Variants in L3MBTL2 observed in about 807,000 individuals in gnomAD.
The protein encoded by L3MBTL2 is L3MBTL histone methyl-lysine binding protein 2, also known as lethal(3)malignant brain tumor-like protein 2.
In L3MBTL2, 49 loss-of-function variants were observed where a neutral mutation model predicts 86.4. The ratio of observed to expected loss-of-function variants is 0.57; its 90% CI spans 0.45 to 0.72. L3MBTL2 has a LOEUF of 0.72. Among genes scored for constraint, L3MBTL2 ranks in the 30% least tolerant of loss-of-function variants. The probability of loss-of-function intolerance (pLI) is 0.00; values close to 1 mark genes in which losing one functional copy is unlikely to be tolerated. For synonymous variants in L3MBTL2, 336 were observed against 350.6 expected (o/e 0.96, Z 0.47); for missense variants, 755 against 923.7 (o/e 0.82, Z 2.37).
chr22:41,212,543 G>A lies in L3MBTL2; in HGVS notation c.263-1350G>A, dbSNP rs558122623. Among the ~76,000 whole-genome samples the A allele has an allele frequency of 3.6e-4, 55 of 151,718 alleles. No individual in the cohort carries two copies. In the South Asian group the frequency reaches 0.011, roughly 32 times the overall value. On this transcript the variant is annotated intron_variant, in intron 2 of 16. Coordinates refer to ENST00000216237, the MANE Select transcript of L3MBTL2 (RefSeq NM_031488.5). ...CTCCGGAGTAGCTGGGATTATAGAC[G>A]CCCACCACCGCGCCCGGCCATCTCA...
intron 1 of L3MBTL2, among the ~76,000 whole-genome samples, chr22:41,206,617 T>A (rs1025916675): frequency 3.9e-5 from 6 of 151,926 alleles, no homozygotes; most frequent in Non-Finnish European, 7.4e-5. Context: ...GCTAACATGG[T>A]GAAACCCCAT....
intron 2 of L3MBTL2, chr22:41,213,683 T>C: frequency 2.0e-6 from 1 of 494,812 alleles, no homozygotes; most frequent in East Asian, 3.3e-5. Flanking sequence ...TTGACATCTG[T>C]AGCCAAGGGA....
At chr22:41,212,310 C>T (rs751413019) in intron 2 of L3MBTL2, among the ~76,000 whole-genome samples, 1 of 151,796 alleles carries the variant, frequency 6.6e-6, no homozygotes, top group South Asian at 2.1e-4. Context: ...GGGTTCTGCA[C>T]ATTAGAATCA....
chr22:41,213,078 T>C (rs1884818498), intron 2 of L3MBTL2, among the ~76,000 whole-genome samples: 1 of 148,416 alleles, frequency 6.7e-6, no homozygotes, highest in Admixed American at 6.8e-5. Flanking sequence ...ATTAGCTGGG[T>C]GTGGTGGCAG....
chr22:41,224,943 C>T lies in L3MBTL2; in HGVS notation c.1252-24C>T, dbSNP rs2032078721. 3.1e-6 allele frequency: 5 copies of T among 1,603,354 alleles called. No homozygotes were observed. Among genetic ancestry groups the T allele is most frequent in the Admixed American group, 1.7e-5 (1 of 59,674 alleles). The stretch of plus-strand genomic sequence containing the variant: ...CTTCCTCCTGGCCTGCCCAGGGAGT[C>T]CCCAGCTGTCCCATTCCTTTAAGGT... On this transcript the variant is annotated intron_variant, in intron 10 of 16. Coordinates refer to ENST00000216237, the MANE Select transcript of L3MBTL2 (RefSeq NM_031488.5). This position sits in a 1 kb window ranked among gnomAD's most constrained non-coding sequence, Gnocchi z 4.9.
chr22:41,220,893 T>C (rs776053720), intron 7 of L3MBTL2, 25 bp downstream of exon 7: 4 of 1,602,424 alleles, frequency 2.5e-6, no homozygotes, highest in South Asian at 1.1e-5. Context: ...ACATTTCCTC[T>C]CTTGTTCCCG....
At position 41,213,728 on chromosome 22, in the gene L3MBTL2, G is replaced by A. The variant is rs576613564; in HGVS notation, c.263-165G>A. On this transcript the variant is annotated intron_variant, in intron 2 of 16. Coordinates refer to ENST00000216237, the MANE Select transcript of L3MBTL2 (RefSeq NM_031488.5). ...GCAGCACTTCATTCAGGTAGATTCA[G>A]GATATACACACCAGTACCTCCCATT... The A allele has an allele frequency of 3.6e-5, 26 of 719,890 alleles. No homozygotes were observed. In the South Asian group the frequency reaches 4.6e-4, roughly 13 times the overall value. 44.6% of individuals were successfully genotyped at this position (719,890 alleles called of 1,614,324 possible). A position where few individuals can be genotyped will look rare whatever the true frequency, so the allele number is the denominator to read the frequency against.
chr22:41,224,981 C>T lies in L3MBTL2; in HGVS notation c.1266C>T (p.Tyr422=). 1 of 1,613,920 alleles carries T rather than the reference C, an allele frequency of 6.2e-7. No homozygotes were observed. Among genetic ancestry groups the T allele is most frequent in the Non-Finnish European group, 8.5e-7 (1 of 1,179,868 alleles). ...PYLFKKVRAV[Y]TEGGWFEEGM... ...ATTCCTTTAAGGTACGAGCAGTCTA[C>T]ACAGAAGGCGGTTGGTTTGAGGAAG... Residue 422 remains tyrosine, a synonymous_variant, in exon 11 of 17, where the codon TAC becomes TAT. Coordinates refer to ENST00000216237, the MANE Select transcript of L3MBTL2 (RefSeq NM_031488.5). The surrounding 1 kb of genome is among the most constrained non-coding windows in gnomAD (Gnocchi z 4.9).
intron 4 of L3MBTL2, among the ~76,000 whole-genome samples, chr22:41,216,539 T>G (rs139463): frequency 0.42 from 63,216 of 151,718 alleles, 13,857 homozygotes; most frequent in African/African-American, 0.56. Flanking sequence ...TTTTATCCTT[T>G]TGGTTTCTGT....
In L3MBTL2 at chr22:41,227,020, C is replaced by T. The variant is rs12159511; in HGVS notation, c.1588-69C>T. On this transcript the variant is annotated intron_variant, in intron 13 of 16. Coordinates refer to ENST00000216237, the MANE Select transcript of L3MBTL2 (RefSeq NM_031488.5). The surrounding 1 kb of genome is among the most constrained non-coding windows in gnomAD (Gnocchi z 6.0). ...TCCCTGCCAGTTCTTCAAGTGCCTC[C>T]GGGCCGGGGCAAGCCTGCTGGGGTA... The T allele has an allele frequency of 1.1e-5, 16 of 1,398,956 alleles. No homozygotes were observed. Among genetic ancestry groups the T allele is most frequent in the Admixed American group, 2.0e-5 (1 of 50,194 alleles). 86.7% of individuals were successfully genotyped at this position (1,398,956 alleles called of 1,614,324 possible).
Position 41,220,874 on chromosome 22 carries a change from T to C in L3MBTL2, c.853+6T>C. ...GATCCTAGTGCCCCCACGGAGTGAG[T>C]TGATGAGAACATTTCCTCTCTTGTT... On this transcript the variant is annotated splice_donor_region_variant and intron_variant, in intron 7 of 16. Transcript: ENST00000216237. The C allele has an allele frequency of 6.2e-7, 1 of 1,611,456 alleles. No homozygotes were observed. Among genetic ancestry groups the C allele is most frequent in the Non-Finnish European group, 8.5e-7 (1 of 1,178,058 alleles).
At chr22:41,219,242 T>C in intron 5 of L3MBTL2, 177 bp from the exon 6 acceptor site, 1 of 541,698 alleles carries the variant, frequency 1.8e-6, no homozygotes, top group East Asian at 3.3e-5. Flanking sequence ...TACTCCCGGC[T>C]TAGCTCTTCA....
chr22:41,207,687 C>A (rs764541612), intron 1 of L3MBTL2, among the ~76,000 whole-genome samples: 1 of 150,378 alleles, frequency 6.6e-6, no homozygotes, highest in Non-Finnish European at 1.5e-5. Context: ...CTTTTTTTTC[C>A]TTTGAGACAG....
At chr22:41,210,152 T>C (rs2030618586) in intron 2 of L3MBTL2, 3 of 478,048 alleles carry the variant, frequency 6.3e-6, no homozygotes, top group East Asian at 3.5e-5. Context: ...TCTTTTTTTT[T>C]TTTTTTTTTT....
chr22:41,217,015 G>T, intron 4 of L3MBTL2, 108 bp from the exon 5 acceptor site: 1 of 784,100 alleles, frequency 1.3e-6, no homozygotes, highest in South Asian at 1.5e-5. Context: ...AGGGGCTGCT[G>T]GGGGTGGGGG....
At chr22:41,211,333 T>G (rs2030765238) in intron 2 of L3MBTL2, among the ~76,000 whole-genome samples, 1 of 151,970 alleles carries the variant, frequency 6.6e-6, no homozygotes, top group Non-Finnish European at 1.5e-5. Context: ...CCTGAGTAGC[T>G]GAGACTACAG....
At chr22:41,206,196 T>G (rs909681019) in intron 1 of L3MBTL2, 1 of 152,152 alleles carries the variant, frequency 6.6e-6, no homozygotes, top group African/African-American at 2.4e-5. Context: ...TTGGTCGGAT[T>G]GGTCTCGAAC....
Position 41,219,525 on chromosome 22 carries a change from T to A in L3MBTL2, c.707T>A (p.Ile236Asn). The A allele has an allele frequency of 6.2e-7, 1 of 1,611,842 alleles. No individual in the cohort carries two copies. The highest frequency in any genetic ancestry group is 8.5e-7 in the Non-Finnish European group (1 of 1,178,204). The change falls in exon 6 of 17, where the codon ATC (isoleucine) becomes AAC (asparagine). Residue 236 changes from isoleucine (I) to asparagine (N), a missense_variant. Ile to Asn is a moderately radical substitution (Grantham distance 149). This residue lies in a region of L3MBTL2 where 634 missense variants were observed against 748.9 expected (regional missense o/e 0.85). Coordinates refer to ENST00000216237, the MANE Select transcript of L3MBTL2 (RefSeq NM_031488.5). ...PSRVYWIASV[I>N]QTAGYRVLLR... ...CGGGTGTACTGGATCGCCTCTGTCATCCAGACAGCAGGTGAGTGTTTGGCC... is the reference window on the plus strand; with the variant it reads ...CGGGTGTACTGGATCGCCTCTGTCAACCAGACAGCAGGTGAGTGTTTGGCC...
At position 41,227,773 on chromosome 22, in the gene L3MBTL2, C is replaced by T; in HGVS notation, c.1823-31C>T. Reference sequence around the variant, plus strand: ...TGTGTCCTCCCAGGGACCCTCTTCTCATCTCTTTCACCCTTGTCTTTCAAC... The same window carrying T: ...TGTGTCCTCCCAGGGACCCTCTTCTTATCTCTTTCACCCTTGTCTTTCAAC... On this transcript the variant is annotated intron_variant, in intron 14 of 16. Coordinates refer to ENST00000216237, the MANE Select transcript of L3MBTL2 (RefSeq NM_031488.5). This position sits in a 1 kb window ranked among gnomAD's most constrained non-coding sequence, Gnocchi z 6.0. The T allele has an allele frequency of 6.2e-7, 1 of 1,613,408 alleles. No individual in the cohort carries two copies. Among genetic ancestry groups the T allele is most frequent in the Non-Finnish European group, 8.5e-7 (1 of 1,179,674 alleles).
Sources: gnomAD v4.1 joint callset for allele counts (sites outside exome capture counted in the v4.1 genomes callset) on GRCh38, gnomAD v4.1.1 for gene constraint, gnomAD v4.1.1 regional missense constraint, Gnocchi (gnomAD v3.1) non-coding constraint, MANE v1.5 for transcripts, NCBI Gene and HGNC (gene_info 2026-07-23, HGNC 2026-07-21) for gene names.